Variants in EBF1 observed in about 807,000 individuals in gnomAD.
The protein encoded by EBF1 is transcription factor COE1.
A neutral mutation model predicts 68.4 loss-of-function variants in EBF1; 10 were observed. That is an observed-to-expected ratio of 0.15 (90% CI 0.09 to 0.25). The LOEUF (loss-of-function observed/expected upper bound fraction) is 0.25. Ranked by LOEUF, EBF1 falls within the 10% of genes least tolerant of loss-of-function variation. EBF1 has a pLI of 1.00. For missense variants in EBF1, 509 were observed against 794.4 expected (o/e 0.64, Z 4.32); for synonymous variants, 298 against 299.8 (o/e 0.99, Z 0.06).
At chr5:158,706,116 G>C (rs1030188240) in intron 15 of EBF1, among the ~76,000 whole-genome samples, 2 of 152,150 alleles carry the variant, frequency 1.3e-5, no homozygotes, top group Non-Finnish European at 2.9e-5. Flanking sequence ...TTGCAGGAAT[G>C]GGTGGCTCTA....
intron 8 of EBF1, among the ~76,000 whole-genome samples, chr5:158,809,724 G>A (rs1448098756): frequency 6.6e-6 from 1 of 152,094 alleles, no homozygotes; most frequent in African/African-American, 2.4e-5. Flanking sequence ...AAGCTTTTCT[G>A]TTGTTACATG....
chr5:159,049,051 G>A (rs761236657), intron 6 of EBF1, among the ~76,000 whole-genome samples: 18 of 152,112 alleles, frequency 1.2e-4, no homozygotes, highest in South Asian at 2.1e-4. Context: ...CCCTGCATTC[G>A]TCAGGATTTC....
At chr5:159,064,513 A>T (rs1561925077) in intron 6 of EBF1, among the ~76,000 whole-genome samples, 2 of 152,300 alleles carry the variant, frequency 1.3e-5, no homozygotes, top group East Asian at 3.9e-4. Context: ...ATTTTCTGAG[A>T]TGGTATACCC....
Position 158,712,264 on chromosome 5 carries a change from T to C in EBF1, c.1439A>G (p.Asn480Ser), listed in dbSNP as rs775144114. The change falls in exon 14 of 16, where the codon AAC becomes AGC. Residue 480 changes from asparagine to serine, a missense_variant. Physicochemically the swap from Asn to Ser is conservative, Grantham distance 46 (BLOSUM62 1). Around this residue, in one of 3 missense-constraint regions of EBF1, gnomAD observed 205 missense variants for 247.4 expected, o/e 0.83. Transcript: ENST00000313708. Reference protein sequence around the residue: ...YVPSTTPQQTNYNSVTTSMNG... With the variant: ...YVPSTTPQQTSYNSVTTSMNG... Reference sequence around the variant, plus strand: ...CATGCTCGTGGTGACGGAGTTATAGTTGGTCTGCTGGGGAGTGGTGCTCGG... The same window carrying C: ...CATGCTCGTGGTGACGGAGTTATAGCTGGTCTGCTGGGGAGTGGTGCTCGG... 1.1e-5 allele frequency: 18 copies of C among 1,613,942 alleles called. No individual in the cohort carries two copies. In the East Asian group the frequency reaches 2.7e-4, roughly 24 times the overall value.
chr5:158,716,743 C>A (rs530072506), intron 11 of EBF1, among the ~76,000 whole-genome samples: 4 of 152,150 alleles, frequency 2.6e-5, no homozygotes, highest in African/African-American at 9.7e-5. Context: ...CATGTCATTA[C>A]GCTCCCAGTG....
At chr5:159,021,098 C>T (rs1766593060) in intron 6 of EBF1, among the ~76,000 whole-genome samples, 1 of 152,186 alleles carries the variant, frequency 6.6e-6, no homozygotes, top group Admixed American at 6.5e-5. Context: ...TATTCGAGCT[C>T]AGTAGCAACT....
chr5:158,733,302 T>G (rs1037253187), intron 10 of EBF1, among the ~76,000 whole-genome samples: 6 of 152,254 alleles, frequency 3.9e-5, no homozygotes, highest in African/African-American at 1.2e-4. Context: ...CTGAAAATTC[T>G]AATTCTTGGT....
chr5:158,739,033 C>T (rs960027794), intron 10 of EBF1, among the ~76,000 whole-genome samples: 24 of 152,118 alleles, frequency 1.6e-4, no homozygotes, highest in Admixed American at 7.9e-4. Context: ...TAAATTTGCC[C>T]CCAAATGCTC....
At chr5:158,865,530 TTGA>T (rs1020569385) in intron 6 of EBF1, among the ~76,000 whole-genome samples, 10 of 152,182 alleles carry the variant, frequency 6.6e-5, no homozygotes, top group Non-Finnish European at 1.3e-4. Flanking sequence ...TAGTACAAAT[TTGA>T]TGATGATGAT....
intron 8 of EBF1, among the ~76,000 whole-genome samples, chr5:158,801,471 C>T (rs551769578): frequency 3.3e-5 from 5 of 151,948 alleles, no homozygotes; most frequent in Non-Finnish European, 7.4e-5. Flanking sequence ...TCAAAGGCCA[C>T]GTGCTGGGGG....
chr5:158,786,507 C>T (rs1006781367), intron 9 of EBF1, among the ~76,000 whole-genome samples: 1 of 152,090 alleles, frequency 6.6e-6, no homozygotes, highest in Non-Finnish European at 1.5e-5. Context: ...CCCATCCTGA[C>T]CATCTGGGAG....
intron 8 of EBF1, among the ~76,000 whole-genome samples, chr5:158,810,794 C>T (rs1782495132): frequency 6.6e-6 from 1 of 152,174 alleles, no homozygotes; most frequent in South Asian, 2.1e-4. Context: ...TATTTCTGCA[C>T]CCTGTGGGCT....
intron 10 of EBF1, among the ~76,000 whole-genome samples, chr5:158,762,882 C>T (rs1581674767): frequency 6.6e-6 from 1 of 152,126 alleles, no homozygotes; most frequent in East Asian, 1.9e-4. Context: ...GAATGATACC[C>T]TCCTCACCTC....
rs1020231476 is a variant in EBF1, at chr5:158,758,590, T to C, written c.1036+18823A>G. 2.0e-5 allele frequency among the ~76,000 whole-genome samples: 3 copies of C among 152,196 alleles called. No homozygotes were observed. The East Asian group carries it at 5.8e-4, about 29-fold the overall frequency. On this transcript the variant is annotated intron_variant, in intron 10 of 15. Transcript: ENST00000313708. ...GCTATTAGAAAAGTAATCTTAATAT[T>C]CTTTTTAATTCAGGCACCAAGAAGC...
chr5:158,815,333 T>A (rs1783500368), intron 8 of EBF1, among the ~76,000 whole-genome samples: 1 of 152,174 alleles, frequency 6.6e-6, no homozygotes, highest in Non-Finnish European at 1.5e-5. Flanking sequence ...CAGGTCCAAT[T>A]CTAATTAGTT....
chr5:159,018,607 A>C (rs1230693372), intron 6 of EBF1, among the ~76,000 whole-genome samples: 1 of 152,236 alleles, frequency 6.6e-6, no homozygotes, highest in Non-Finnish European at 1.5e-5. Flanking sequence ...GTGAGAATCG[A>C]CTGTGATGAT....
Position 158,840,071 on chromosome 5 carries a change from G to A in EBF1, c.594C>T (p.Cys198=), listed in dbSNP as rs1338107099. 3 of 1,613,900 alleles carry A rather than the reference G, an allele frequency of 1.9e-6. No homozygotes were observed. In the East Asian group the frequency reaches 6.7e-5, roughly 36 times the overall value. The change falls in exon 7 of 16, where the codon TGC becomes TGT. Residue 198 remains cysteine, a synonymous_variant. Transcript: ENST00000313708. ...CACGTGGGTTTCCCGCATTCTTTAG[G>A]CAATTTTGGTTACATTTGAGGAAAA... The part of the protein sequence containing the change: ...LKFFLKCNQN[C]LKNAGNPRDM...
intron 6 of EBF1, among the ~76,000 whole-genome samples, chr5:158,869,286 C>T (rs1247986932): frequency 1.3e-5 from 2 of 152,076 alleles, no homozygotes; most frequent in African/African-American, 2.4e-5. Context: ...AGTGAGATCC[C>T]CCTGGGAATA....
At position 159,033,194 on chromosome 5, in the gene EBF1, A is replaced by T. The variant is rs142825393; in HGVS notation, c.554+40202T>A. Among the ~76,000 whole-genome samples the T allele has an allele frequency of 4.6e-5, 7 of 152,350 alleles. No individual in the cohort carries two copies. The East Asian group carries it at 1.3e-3, about 29-fold the overall frequency. On this transcript the variant is annotated intron_variant, in intron 6 of 15. Transcript: ENST00000313708. ...GAGCATGCTTTAGGAAGTTCTGCACACGTTTACCCGCTTTGCAGCCATCCC... is the reference window on the plus strand; with the variant it reads ...GAGCATGCTTTAGGAAGTTCTGCACTCGTTTACCCGCTTTGCAGCCATCCC...
Sources: gnomAD v4.1 joint callset for allele counts (sites outside exome capture counted in the v4.1 genomes callset) on GRCh38, gnomAD v4.1.1 for gene constraint, gnomAD v4.1.1 regional missense constraint, MANE v1.5 for transcripts, NCBI Gene and HGNC (gene_info 2026-07-23, HGNC 2026-07-21) for gene names.